TENM2: variants seen among roughly 807,000 people sequenced by gnomAD.
TENM2 encodes teneurin transmembrane protein 2, also known as teneurin-2.
Under a neutral mutation model 245.2 loss-of-function variants are expected in TENM2, and 52 were observed. The observed-to-expected ratio is 0.21, with a 90% confidence interval of 0.17 to 0.27. The LOEUF is 0.27. Among genes scored for constraint, TENM2 ranks in the 10% least tolerant of loss-of-function variants. The pLI, the probability that TENM2 is intolerant of heterozygous loss-of-function variation, is 1.00. For missense variants in TENM2, 3,046 were observed against 3,666.8 expected, an observed-to-expected ratio of 0.83 and a Z score of 4.37; for synonymous variants, 1,363 against 1,438.9, an observed-to-expected ratio of 0.95 and a Z score of 1.19.
chr5:167,635,669 G>A (rs1007959588), intron 2 of TENM2, among the ~76,000 whole-genome samples: 6 of 82,082 alleles, frequency 7.3e-5, no homozygotes, highest in Admixed American at 3.5e-4. Flanking sequence ...TTTTGAGACG[G>A]AGTCTCGCTC....
chr5:167,257,638 A>T, the TENM2 span, among the ~76,000 whole-genome samples: 1 of 152,092 alleles, frequency 6.6e-6, no homozygotes, highest in Non-Finnish European at 1.5e-5. Context: ...GAAAAATATG[A>T]AAATTAAGCA....
intron 9 of TENM2, among the ~76,000 whole-genome samples, chr5:168,115,206 T>A (rs950590204): frequency 1.8e-4 from 28 of 151,762 alleles, no homozygotes; most frequent in Admixed American, 1.6e-3. Context: ...GGCAGGAGAA[T>A]CGCTTGAACC....
chr5:167,815,498 T>A lies in TENM2; in HGVS notation c.503-60488T>A, dbSNP rs1460500269. Among the ~76,000 whole-genome samples the A allele has an allele frequency of 2.0e-5, 3 of 152,150 alleles. No homozygotes were observed. In the East Asian group the frequency reaches 5.8e-4, roughly 29 times the overall value. ...GAGACTTACACAGCTAGGAAGAGAT[T>A]CAAATACAATTGTGTCTGACCAAGA... On this transcript the variant is annotated intron_variant, in intron 2 of 28. Coordinates refer to ENST00000518659, the Ensembl canonical transcript of TENM2.
rs142657135 is a variant in TENM2 at position 167,620,692 on chromosome 5, C to A, written c.502+245219C>A. ...TGACAGAGCTCCCACTCTAGACTTA[C>A]AATCCTCTCCTCTTTCAATGCTCCA... On this transcript the variant is annotated intron_variant, in intron 2 of 28. Coordinates refer to ENST00000518659, the Ensembl canonical transcript of TENM2. 7.9e-3 allele frequency among the ~76,000 whole-genome samples: 1,194 copies of A among 151,382 alleles called. 21 individuals carry two copies. The highest frequency in any genetic ancestry group is 0.028 in the African/African-American group (1,141 of 41,352).
At chr5:167,176,401 G>T in the TENM2 span, among the ~76,000 whole-genome samples, 4 of 152,154 alleles carry the variant, frequency 2.6e-5, no homozygotes, top group Non-Finnish European at 5.9e-5. Flanking sequence ...AGCTTTTTCT[G>T]CCATTTTATC....
chr5:168,231,780 CAA>C (rs144113234), intron 25 of TENM2, among the ~76,000 whole-genome samples: 12 of 133,988 alleles, frequency 9.0e-5, no homozygotes, highest in African/African-American at 5.5e-5. Flanking sequence ...CAACAACAAC[CAA>C]AAAAAAAAAA....
At chr5:168,089,199 C>T (rs780633121) in intron 7 of TENM2, among the ~76,000 whole-genome samples, 19 of 152,194 alleles carry the variant, frequency 1.2e-4, no homozygotes, top group Non-Finnish European at 2.8e-4. Flanking sequence ...GCCCTGTCAC[C>T]TCTTCCTTAG....
chr5:168,195,900 C>T (rs1371100483), intron 15 of TENM2, among the ~76,000 whole-genome samples: 2 of 152,100 alleles, frequency 1.3e-5, no homozygotes, highest in Non-Finnish European at 2.9e-5. Flanking sequence ...TGTACCCGTT[C>T]AGCCTCCATC....
chr5:167,355,354 A>G (rs1581825540), intron 1 of TENM2, among the ~76,000 whole-genome samples: 1 of 117,544 alleles, frequency 8.5e-6, no homozygotes, highest in Non-Finnish European at 1.7e-5. Context: ...TGAAAGGACC[A>G]TTCTGATTTT....
chr5:167,043,094 G>T, the TENM2 span, among the ~76,000 whole-genome samples: 3 of 152,068 alleles, frequency 2.0e-5, no homozygotes, highest in Non-Finnish European at 4.4e-5. Context: ...ATGTCATTCT[G>T]ATTATTATTT....
chr5:168,214,232 G>A (rs1017976302), intron 20 of TENM2, among the ~76,000 whole-genome samples: 1 of 152,154 alleles, frequency 6.6e-6, no homozygotes, highest in Admixed American at 6.5e-5. Flanking sequence ...CTCACACAGG[G>A]CAGCCAGACA....
At chr5:167,601,078 A>G (rs926745121) in intron 2 of TENM2, among the ~76,000 whole-genome samples, 1 of 152,228 alleles carries the variant, frequency 6.6e-6, no homozygotes, top group African/African-American at 2.4e-5. Flanking sequence ...TGCCCGTGTG[A>G]AGTTTTCAAT....
intron 2 of TENM2, among the ~76,000 whole-genome samples, chr5:167,640,874 T>TATATATATATCC (rs1779538844): frequency 9.4e-5 from 5 of 52,988 alleles, no homozygotes; most frequent in African/African-American, 7.4e-4. Context: ...TATATATATA[T>TATATATATATCC]ATATATATAT....
intron 6 of TENM2, among the ~76,000 whole-genome samples, chr5:168,060,652 C>T (rs749368060): frequency 2.6e-5 from 4 of 152,128 alleles, no homozygotes; most frequent in Non-Finnish European, 2.9e-5. Flanking sequence ...TTTTAAGTCC[C>T]TGCTGGCTTC....
At chr5:168,067,483 G>T (rs1347166583) in intron 7 of TENM2, among the ~76,000 whole-genome samples, 1 of 152,194 alleles carries the variant, frequency 6.6e-6, no homozygotes, top group Non-Finnish European at 1.5e-5. Flanking sequence ...GTCCTTATCA[G>T]CGGAATTCCC....
chr5:167,953,756 A>T (rs1470362396), intron 4 of TENM2, among the ~76,000 whole-genome samples: 2 of 152,228 alleles, frequency 1.3e-5, no homozygotes, highest in African/African-American at 2.4e-5. Context: ...TTAATAACTT[A>T]GGTTTGAGGA....
exon 28 of TENM2, chr5:168,260,412 A>G (rs1249032863): frequency 1.2e-6 from 2 of 1,613,238 alleles, no homozygotes; most frequent in Admixed American, 1.7e-5. Flanking sequence ...GAGAATGGAC[A>G]GGTAAGCAGA....
intron 3 of TENM2, among the ~76,000 whole-genome samples, chr5:167,906,824 AG>A (rs1459995066): frequency 6.6e-6 from 1 of 152,184 alleles, no homozygotes; most frequent in Non-Finnish European, 1.5e-5. Flanking sequence ...AAAGAGAGTC[AG>A]GAAAGCTAAA....
chr5:167,233,976 G>T, the TENM2 span, among the ~76,000 whole-genome samples: 1 of 151,920 alleles, frequency 6.6e-6, no homozygotes, highest in African/African-American at 2.4e-5. Context: ...TTATGAGCAT[G>T]GGTAAAAATC....
Sources: allele counts gnomAD v4.1 joint callset (sites outside exome capture counted in the v4.1 genomes callset), GRCh38; gene constraint gnomAD v4.1.1; transcripts MANE v1.5; gene names NCBI Gene and HGNC (gene_info 2026-07-23, HGNC 2026-07-21).